The following CELF2 variants were observed in gnomAD, a reference collection of about 807,000 sequenced individuals.
CELF2 encodes CUGBP Elav-like family member 2.
Under a neutral mutation model 62.6 loss-of-function variants are expected in CELF2, and 8 were observed. That is an observed-to-expected ratio of 0.13 (90% CI 0.07 to 0.23). The LOEUF (loss-of-function observed/expected upper bound fraction) is 0.23, where lower values mean the gene tolerates loss of function less well. CELF2 is among the 10% of genes least tolerant of loss of function. The pLI, the probability that CELF2 is intolerant of heterozygous loss-of-function variation, is 1.00. For synonymous variants in CELF2, 258 were observed against 250.0 expected (o/e 1.03, Z -0.30); for missense variants, 333 against 671.0 (o/e 0.50, Z 5.56).
intron 1 of CELF2, among the ~76,000 whole-genome samples, chr10:11,101,640 A>G (rs892386030): frequency 6.6e-6 from 1 of 152,236 alleles, no homozygotes; most frequent in African/African-American, 2.4e-5. Context: ...GTAGAAAATT[A>G]GCTGTGCTTT....
intron 1 of CELF2, among the ~76,000 whole-genome samples, chr10:11,129,431 T>G (rs982568525): frequency 6.6e-6 from 1 of 152,222 alleles, no homozygotes; most frequent in Non-Finnish European, 1.5e-5. Flanking sequence ...TTCTATTGAT[T>G]GGAATAGTTT....
At chr10:10,735,846 A>G in the CELF2 span, among the ~76,000 whole-genome samples, 2 of 152,154 alleles carry the variant, frequency 1.3e-5, no homozygotes, top group East Asian at 3.9e-4. Context: ...TGTTTTCAGC[A>G]TTTATTAGAG....
chr10:10,653,422 C>T, the CELF2 span, among the ~76,000 whole-genome samples: 2 of 148,428 alleles, frequency 1.3e-5, no homozygotes, highest in Non-Finnish European at 3.0e-5. Context: ...ACAATTTTTT[C>T]AGCACCACAC....
chr10:10,771,576 G>A, the CELF2 span, among the ~76,000 whole-genome samples: 1 of 152,080 alleles, frequency 6.6e-6, no homozygotes, highest in Non-Finnish European at 1.5e-5. Flanking sequence ...TGAATCACTG[G>A]GGCAGTTTCC....
intron 1 of CELF2, among the ~76,000 whole-genome samples, chr10:11,144,494 G>T (rs2061897943): frequency 1.3e-5 from 2 of 151,952 alleles, no homozygotes; most frequent in South Asian, 2.1e-4. Flanking sequence ...CCATGCTCCT[G>T]TGTTGAATTG....
At chr10:10,604,308 A>T in the CELF2 span, among the ~76,000 whole-genome samples, 1 of 152,250 alleles carries the variant, frequency 6.6e-6, no homozygotes, top group African/African-American at 2.4e-5. Flanking sequence ...GTTCACTGGG[A>T]ATTAATGAAT....
intron 2 of CELF2, among the ~76,000 whole-genome samples, chr10:10,953,514 C>CTT (rs2048545571): frequency 6.6e-6 from 1 of 152,160 alleles, no homozygotes; most frequent in South Asian, 2.1e-4. Flanking sequence ...CCTACACTTT[C>CTT]TTGTATATTG....
chr10:11,076,887 C>G (rs567890081), intron 1 of CELF2, among the ~76,000 whole-genome samples: 17 of 152,248 alleles, frequency 1.1e-4, no homozygotes, highest in Non-Finnish European at 1.8e-4. Context: ...TCTTGCAGAT[C>G]TAACTTGGTT....
intron 1 of CELF2, among the ~76,000 whole-genome samples, chr10:10,845,474 C>T (rs893523074): frequency 6.6e-6 from 1 of 152,066 alleles, no homozygotes; most frequent in Non-Finnish European, 1.5e-5. Flanking sequence ...CACACACACA[C>T]ACTCTGTCCA....
At chr10:10,464,524 G>A in the CELF2 span, among the ~76,000 whole-genome samples, 1 of 151,596 alleles carries the variant, frequency 6.6e-6, no homozygotes, top group African/African-American at 2.4e-5. Flanking sequence ...TTTTCTAATT[G>A]ACCAAAATCC....
chr10:11,066,676 G>T (rs1373283231), intron 1 of CELF2, among the ~76,000 whole-genome samples: 1 of 152,170 alleles, frequency 6.6e-6, no homozygotes, highest in Non-Finnish European at 1.5e-5. Flanking sequence ...TGTGCATGTG[G>T]GTTGGTTGCA....
chr10:10,973,479 C>T (rs781242898), intron 2 of CELF2, among the ~76,000 whole-genome samples: 22 of 152,120 alleles, frequency 1.4e-4, no homozygotes, highest in Admixed American at 1.2e-3. Context: ...CTGCAGACCA[C>T]GCTTAAAAGC....
chr10:11,102,498 C>G (rs112188992), intron 1 of CELF2, among the ~76,000 whole-genome samples: 7 of 152,218 alleles, frequency 4.6e-5, no homozygotes, highest in South Asian at 2.1e-4. Context: ...AATTGGACTT[C>G]TTTTCAGGCA....
At chr10:11,176,220 G>A (rs1211645459) in intron 2 of CELF2, among the ~76,000 whole-genome samples, 1 of 152,126 alleles carries the variant, frequency 6.6e-6, no homozygotes, top group East Asian at 1.9e-4. Context: ...CCTCCCTATA[G>A]GGAGTTTAGG....
intron 2 of CELF2, among the ~76,000 whole-genome samples, chr10:10,952,782 G>A (rs1342516768): frequency 6.6e-6 from 1 of 152,142 alleles, no homozygotes; most frequent in Middle Eastern, 3.2e-3. Flanking sequence ...GGCCTTATAG[G>A]AGAGAAGTGT....
the CELF2 span, among the ~76,000 whole-genome samples, chr10:10,694,983 CT>C: frequency 6.6e-6 from 1 of 151,042 alleles, no homozygotes; most frequent in Non-Finnish European, 1.5e-5. Flanking sequence ...CAGTCTGTGT[CT>C]TTTAATTGGA....
the CELF2 span, among the ~76,000 whole-genome samples, chr10:10,741,035 C>T: frequency 6.6e-6 from 1 of 152,120 alleles, no homozygotes; most frequent in African/African-American, 2.4e-5. Context: ...GTTAACAATA[C>T]TGTATTGCAT....
intron 1 of CELF2, among the ~76,000 whole-genome samples, chr10:10,888,185 C>T (rs2061888160): frequency 6.6e-6 from 1 of 152,190 alleles, no homozygotes; most frequent in African/African-American, 2.4e-5. Context: ...TACTGAATTT[C>T]TAAAGGACAA....
At chr10:10,873,415 G>T (rs146540625) in intron 1 of CELF2, among the ~76,000 whole-genome samples, 1,772 of 152,204 alleles carry the variant, frequency 0.012, 23 homozygotes, top group Non-Finnish European at 0.018. Context: ...ACTATTAATT[G>T]GTTGCCTTTG....
Sources: allele counts gnomAD v4.1 joint callset (sites outside exome capture counted in the v4.1 genomes callset), GRCh38; gene constraint gnomAD v4.1.1; transcripts MANE v1.5; gene names NCBI Gene and HGNC (gene_info 2026-07-23, HGNC 2026-07-21).